COL4A3: variants seen among roughly 807,000 people sequenced by gnomAD.
COL4A3 encodes the protein collagen type IV alpha 3 chain.
A neutral mutation model predicts 217.4 loss-of-function variants in COL4A3; 135 were observed. That is an observed-to-expected ratio of 0.62 (90% confidence interval 0.54 to 0.72). The LOEUF is 0.72. Among genes scored for constraint, COL4A3 ranks in the 30% least tolerant of loss-of-function variants. The pLI is 0.00. For synonymous variants in COL4A3, 690 were observed against 736.3 expected (o/e 0.94, Z 1.02); for missense variants, 1,868 against 2,119.9 (o/e 0.88, Z 2.33).
chr2:227,195,667 A>ATGTGTGTGTGTGTGTGTGTG (rs34242264), intron 1 of COL4A3, among the ~76,000 whole-genome samples: 39 of 139,974 alleles, frequency 2.8e-4, no homozygotes, highest in African/African-American at 1.1e-3. Context: ...ATATATATAT[A>ATGTGTGTGTGTGTGTGTGTG]TGTGTGTGTG....
rs878906102 is a variant in COL4A3 at position 227,256,009 on chromosome 2, A to G, written c.889-17A>G. ...ATATTTATTACATTTCATGTTTTTG[A>G]TTTGTTTTTGCTGTAGGGAAAACCC... On this transcript the variant is annotated splice_polypyrimidine_tract_variant and intron_variant, in intron 15 of 51. Transcript: ENST00000396578. 6.2e-7 allele frequency: 1 copy of G among 1,613,036 alleles called. No individual in the cohort carries two copies. Among genetic ancestry groups the G allele is most frequent in the Non-Finnish European group, 8.5e-7 (1 of 1,179,218 alleles).
chr2:227,279,966 G>A, intron 29 of COL4A3, 76 bp downstream of exon 29: 1 of 882,880 alleles, frequency 1.1e-6, no homozygotes, highest in Admixed American at 2.2e-5. Context: ...CACTTATCTG[G>A]CAGAGCACTC....
chr2:227,207,149 C>T (rs1181502254), intron 1 of COL4A3, among the ~76,000 whole-genome samples: 1 of 152,142 alleles, frequency 6.6e-6, no homozygotes, highest in Admixed American at 6.5e-5. Context: ...AAAGGCAACC[C>T]TATCCCTTTC....
At chr2:227,202,519 C>T (rs1217500161) in intron 1 of COL4A3, among the ~76,000 whole-genome samples, 4 of 150,676 alleles carry the variant, frequency 2.7e-5, no homozygotes, top group Non-Finnish European at 4.4e-5. Flanking sequence ...CCGAGGCGGG[C>T]GGATCACTAG....
chr2:227,168,750 T>C (rs2065365841), intron 1 of COL4A3, among the ~76,000 whole-genome samples: 1 of 152,190 alleles, frequency 6.6e-6, no homozygotes, highest in Non-Finnish European at 1.5e-5. Flanking sequence ...ATAGTTTAGC[T>C]CTTTTACAGT....
rs55825399 is a variant in COL4A3, at chr2:227,297,809, T to A, written c.3701T>A (p.Ile1234Asn). The change falls in exon 42 of 52, where the codon ATC becomes AAC. Residue 1234 changes from isoleucine (I) to asparagine (N), a missense_variant. Coordinates refer to ENST00000396578, the MANE Select transcript of COL4A3 (RefSeq NM_000091.5). Reference sequence around the variant, plus strand: ...CCACCAGGTCTGCCCGGTGCAATTATCCCTGGCCAGACAGGAAATCGTGGT... The same window carrying A: ...CCACCAGGTCTGCCCGGTGCAATTAACCCTGGCCAGACAGGAAATCGTGGT... ...PGPPGLPGAIIPGQTGNRGPP... is the reference protein window; with the variant it reads ...PGPPGLPGAINPGQTGNRGPP... 6.4e-7 allele frequency: 1 copy of A among 1,570,760 alleles called. No homozygotes were observed. The highest frequency in any genetic ancestry group is 8.6e-7 in the Non-Finnish European group (1 of 1,157,248).
At chr2:227,263,710 G>A in intron 20 of COL4A3, 70 bp from the exon 21 acceptor site, 1 of 1,416,010 alleles carries the variant, frequency 7.1e-7, no homozygotes, top group South Asian at 1.3e-5. Flanking sequence ...AATCACTCTT[G>A]CAATTAAAAA....
At chr2:227,212,733 T>C (rs1281412503) in intron 1 of COL4A3, among the ~76,000 whole-genome samples, 1 of 152,200 alleles carries the variant, frequency 6.6e-6, no homozygotes, top group East Asian at 1.9e-4. Flanking sequence ...TCCAAATACA[T>C]TTTAGAAGGG....
intron 34 of COL4A3, among the ~76,000 whole-genome samples, chr2:227,285,326 T>C (rs542886459): frequency 1.8e-4 from 24 of 130,550 alleles, no homozygotes; most frequent in Non-Finnish European, 3.5e-4. Context: ...TGCTGTAGAC[T>C]ACAATATAAA....
At chr2:227,172,891 T>C (rs1047440755) in intron 1 of COL4A3, among the ~76,000 whole-genome samples, 2 of 152,138 alleles carry the variant, frequency 1.3e-5, no homozygotes, top group African/African-American at 4.8e-5. Flanking sequence ...CTGGCCCGGT[T>C]TCTTCTGATA....
chr2:227,196,031 G>T (rs961377240), intron 1 of COL4A3, among the ~76,000 whole-genome samples: 2 of 152,092 alleles, frequency 1.3e-5, no homozygotes, highest in Non-Finnish European at 2.9e-5. Context: ...CCATGTGTTT[G>T]TGGTTTAGGC....
At chr2:227,199,891 A>G (rs1423219198) in intron 1 of COL4A3, among the ~76,000 whole-genome samples, 2 of 152,244 alleles carry the variant, frequency 1.3e-5, no homozygotes, top group Non-Finnish European at 2.9e-5. Context: ...CAATGTTAAT[A>G]GGAAGGCTGC....
chr2:227,190,809 A>G (rs2066208635), intron 1 of COL4A3, among the ~76,000 whole-genome samples: 1 of 152,212 alleles, frequency 6.6e-6, no homozygotes, highest in African/African-American at 2.4e-5. Context: ...CAGAAGGCTG[A>G]TGTGGGAGGA....
chr2:227,215,135 G>A (rs1275707771), intron 1 of COL4A3, among the ~76,000 whole-genome samples: 1 of 151,932 alleles, frequency 6.6e-6, no homozygotes, highest in Admixed American at 6.6e-5. Context: ...TAGGTCAAGA[G>A]CCTACCAGTC....
intron 38 of COL4A3, 161 bp from the exon 39 acceptor site, chr2:227,294,329 A>G: frequency 1.4e-6 from 1 of 705,122 alleles, no homozygotes; most frequent in Admixed American, 2.0e-5. Context: ...CTCCAGGAAA[A>G]TTGCAGCCTG....
chr2:227,165,563 C>T (rs1483470925), intron 1 of COL4A3, among the ~76,000 whole-genome samples: 2 of 152,194 alleles, frequency 1.3e-5, no homozygotes, highest in Admixed American at 1.3e-4. Flanking sequence ...AGTTGACTCA[C>T]TTGATTTTAC....
chr2:227,249,230 A>ATATATATTTTTT lies in COL4A3; in HGVS notation c.546+711_546+712insATATATTTTTTT. Among the ~76,000 whole-genome samples, 9 of 14,690 alleles carry ATATATATTTTTT rather than the reference A, an allele frequency of 6.1e-4. 1 individual carries two copies. The highest frequency in any genetic ancestry group is 8.1e-4 in the Admixed American group (1 of 1,228). The allele number at this position is 14,690 out of a possible 152,430, so 9.6% of individuals were successfully genotyped here. A position where few individuals can be genotyped will look rare whatever the true frequency, so the allele number is the denominator to read the frequency against. On this transcript the variant is annotated intron_variant, in intron 9 of 51. Transcript: ENST00000396578. ...TTAGCTAGTATATATATATATATAT[A>ATATATATTTTTT]TTTTTTTTTTTTTTTTTTTTTTTGA...
intron 17 of COL4A3, 197 bp downstream of exon 17, chr2:227,256,593 A>G (rs747583169): frequency 1.3e-6 from 1 of 749,554 alleles, no homozygotes; most frequent in Non-Finnish European, 2.4e-6. Context: ...AGGAAAAGGT[A>G]TTAAACTTGT....
intron 1 of COL4A3, among the ~76,000 whole-genome samples, chr2:227,219,461 T>G (rs2067671588): frequency 6.6e-6 from 1 of 152,240 alleles, no homozygotes; most frequent in Non-Finnish European, 1.5e-5. Context: ...AGACTTTTGT[T>G]AATTCCCCCT....
Sources: gnomAD v4.1 joint callset for allele counts (sites outside exome capture counted in the v4.1 genomes callset) on GRCh38, gnomAD v4.1.1 for gene constraint, MANE v1.5 for transcripts, NCBI Gene and HGNC (gene_info 2026-07-23, HGNC 2026-07-21) for gene names.